The following DAB1 variants were observed in gnomAD, a reference collection of about 807,000 sequenced individuals.
The protein encoded by DAB1 is DAB adaptor protein 1.
A neutral mutation model predicts 64.6 loss-of-function variants in DAB1; 15 were observed. The observed-to-expected ratio is 0.23, with a 90% confidence interval of 0.16 to 0.36. The LOEUF (loss-of-function observed/expected upper bound fraction) is 0.36. DAB1 is among the 10% of genes least tolerant of loss of function. The probability of loss-of-function intolerance (pLI) is 1.00; values close to 1 mark genes in which losing one functional copy is unlikely to be tolerated. For synonymous variants in DAB1, 235 were observed against 251.9 expected (o/e 0.93, Z 0.64); for missense variants, 596 against 706.7 (o/e 0.84, Z 1.78).
intron 7 of DAB1, among the ~76,000 whole-genome samples, chr1:57,492,981 C>T (rs1016217576): frequency 1.3e-5 from 2 of 152,098 alleles, no homozygotes; most frequent in African/African-American, 4.8e-5. Flanking sequence ...TTGCTCATCC[C>T]TAGGCTGCAC....
At chr1:57,237,413 C>T (rs1023743683) in intron 2 of DAB1, among the ~76,000 whole-genome samples, 1 of 152,146 alleles carries the variant, frequency 6.6e-6, no homozygotes, top group Admixed American at 6.5e-5. Flanking sequence ...TCCCTGCTAC[C>T]TTTATCATTC....
chr1:58,117,841 T>TG (rs1557657231), intron 5 of DAB1, among the ~76,000 whole-genome samples: 2 of 99,978 alleles, frequency 2.0e-5, no homozygotes, highest in South Asian at 3.3e-4. Context: ...TATCATGCTT[T>TG]GTTTTTTTTT....
chr1:58,224,803 A>C (rs906335699), intron 4 of DAB1, among the ~76,000 whole-genome samples: 2 of 152,146 alleles, frequency 1.3e-5, no homozygotes, highest in African/African-American at 4.8e-5. Flanking sequence ...CTTACACAAA[A>C]ATTAATTCAA....
At chr1:58,075,745 C>A (rs927953048) in intron 5 of DAB1, among the ~76,000 whole-genome samples, 4 of 152,184 alleles carry the variant, frequency 2.6e-5, no homozygotes, top group African/African-American at 9.7e-5. Flanking sequence ...AGCTGTCCGA[C>A]TCTCTCTCCC....
At chr1:57,764,493 A>C (rs1649223061) in intron 6 of DAB1, among the ~76,000 whole-genome samples, 1 of 152,180 alleles carries the variant, frequency 6.6e-6, no homozygotes, top group Non-Finnish European at 1.5e-5. Flanking sequence ...TAGTCCTCCT[A>C]CAATGATGAA....
chr1:57,028,141 T>G (rs1394478368), intron 9 of DAB1, among the ~76,000 whole-genome samples: 2 of 152,184 alleles, frequency 1.3e-5, no homozygotes, highest in African/African-American at 4.8e-5. Context: ...TCTCCCAGAA[T>G]TCCCACATGT....
At chr1:58,147,986 A>AAAAAAAAAAAAAAAAAAAAAAAC (rs1654706935) in intron 5 of DAB1, among the ~76,000 whole-genome samples, 1 of 151,636 alleles carries the variant, frequency 6.6e-6, no homozygotes, top group Non-Finnish European at 1.5e-5. Flanking sequence ...AGCTGGAGAA[A>AAAAAAAAAAAAAAAAAAAAAAAC]AAAAAAAAAA....
chr1:58,462,379 G>C (rs1385535115), intron 3 of DAB1, among the ~76,000 whole-genome samples: 1 of 152,082 alleles, frequency 6.6e-6, no homozygotes. Context: ...ACCCGCCTCG[G>C]CCTCCCAAAG....
intron 9 of DAB1, among the ~76,000 whole-genome samples, chr1:57,060,237 G>A (rs186829189): frequency 1.0e-3 from 151 of 151,706 alleles, no homozygotes; most frequent in African/African-American, 2.8e-3. Flanking sequence ...TGCAACCTCC[G>A]CCTCCAGGGT....
intron 2 of DAB1, among the ~76,000 whole-genome samples, chr1:57,272,594 A>G (rs1671098047): frequency 6.6e-6 from 1 of 152,198 alleles, no homozygotes; most frequent in Non-Finnish European, 1.5e-5. Context: ...TAGGAAATGG[A>G]GGCTTAGAGG....
At chr1:57,142,688 G>A (rs948558720) in intron 3 of DAB1, among the ~76,000 whole-genome samples, 1 of 151,390 alleles carries the variant, frequency 6.6e-6, no homozygotes, top group Non-Finnish European at 1.5e-5. Context: ...AGCTAGCTTG[G>A]GCCAATGTTA....
chr1:58,029,340 G>T (rs1259271633), intron 5 of DAB1, among the ~76,000 whole-genome samples: 1 of 152,192 alleles, frequency 6.6e-6, no homozygotes, highest in East Asian at 1.9e-4. Context: ...CAGGTTGGAT[G>T]CACTAAAAAA....
chr1:58,519,577 GA>G (rs965702899), intron 2 of DAB1, among the ~76,000 whole-genome samples: 207 of 150,620 alleles, frequency 1.4e-3, no homozygotes, highest in African/African-American at 4.5e-3. Context: ...ACCTCTGATG[GA>G]AAAAAAAAAT....
chr1:57,342,904 G>C (rs1439451136), intron 1 of DAB1, among the ~76,000 whole-genome samples: 1 of 152,186 alleles, frequency 6.6e-6, no homozygotes, highest in African/African-American at 2.4e-5. Context: ...AGCTCATAAA[G>C]GCAGTGTGGA....
At chr1:58,525,553 G>A (rs767694521) in intron 2 of DAB1, among the ~76,000 whole-genome samples, 3 of 151,698 alleles carry the variant, frequency 2.0e-5, no homozygotes, top group Admixed American at 1.3e-4. Flanking sequence ...TCAAAACATC[G>A]AGAAAAATTA....
Position 57,662,515 on chromosome 1 carries a change from C to T in DAB1, n.552-12850G>A, listed in dbSNP as rs974804737. 2.6e-5 allele frequency among the ~76,000 whole-genome samples: 4 copies of T among 152,172 alleles called. No individual in the cohort carries two copies. The East Asian group carries it at 5.8e-4, about 22-fold the overall frequency. ...CTGGCCTGGAGATTGTTATATCACT[C>T]GTTCATTTGGTGCCTGCATAGGCAG... On this transcript the variant is annotated intron_variant and non_coding_transcript_variant, in intron 6 of 20. Coordinates refer to the DAB1 transcript ENST00000485760.
intron 1 of DAB1, among the ~76,000 whole-genome samples, chr1:57,857,817 G>C (rs1653821864): frequency 7.1e-6 from 1 of 140,774 alleles, no homozygotes; most frequent in Non-Finnish European, 1.5e-5. Context: ...TTAAAGTATT[G>C]CAGTTTTATC....
intron 5 of DAB1, among the ~76,000 whole-genome samples, chr1:58,005,225 C>G (rs1646563549): frequency 6.6e-6 from 1 of 152,138 alleles, no homozygotes; most frequent in African/African-American, 2.4e-5. Flanking sequence ...AATAAAATCT[C>G]TCATGCCCAT....
chr1:57,889,721 T>C (rs1644277771), intron 5 of DAB1, among the ~76,000 whole-genome samples: 1 of 152,048 alleles, frequency 6.6e-6, no homozygotes, highest in Admixed American at 6.6e-5. Context: ...ACTCTGCACA[T>C]AGATTGGAGA....
Sources: gnomAD v4.1 joint callset for allele counts (sites outside exome capture counted in the v4.1 genomes callset) on GRCh38, gnomAD v4.1.1 for gene constraint, MANE v1.5 for transcripts, NCBI Gene and HGNC (gene_info 2026-07-23, HGNC 2026-07-21) for gene names.